Variants in CBL observed in about 807,000 individuals in gnomAD.
CBL encodes E3 ubiquitin-protein ligase CBL.
A neutral mutation model predicts 96.9 loss-of-function variants in CBL; 45 were observed. That is an observed-to-expected ratio of 0.46 (90% CI 0.37 to 0.60). The LOEUF (loss-of-function observed/expected upper bound fraction) is 0.60, where lower values mean the gene tolerates loss of function less well. Among genes scored for constraint, CBL ranks in the 20% least tolerant of loss-of-function variants. CBL has a pLI of 0.00. For missense variants in CBL, 1,024 were observed against 1,143.5 expected (o/e 0.90, Z 1.51); for synonymous variants, 420 against 426.8 (o/e 0.98, Z 0.20).
rs746612322 is a variant in CBL, at chr11:119,246,537, C to T, written c.443+13842C>T. On this transcript the variant is annotated intron_variant, in intron 2 of 15. Transcript: ENST00000264033. The stretch of plus-strand genomic sequence containing the variant: ...CACAATCTCAGCTCACCGCAACCTC[C>T]GCCTCCTGGGTTCAAGCAATTCTCC... Among the ~76,000 whole-genome samples, 53 of 152,056 alleles carry T rather than the reference C, an allele frequency of 3.5e-4. 2 individuals are homozygous for T. The highest frequency in any genetic ancestry group is 6.8e-3 in the Middle Eastern group (2 of 292).
chr11:119,279,624 G>A (rs925450996), intron 9 of CBL, among the ~76,000 whole-genome samples: 4 of 152,098 alleles, frequency 2.6e-5, no homozygotes, highest in Admixed American at 1.3e-4. Flanking sequence ...TGCACTCTAG[G>A]TTGGGTGACA....
At chr11:119,216,177 TCCACTGCCTGGGCACCTTCTCACAACCA>T (rs1358253195) in intron 1 of CBL, among the ~76,000 whole-genome samples, 1 of 152,114 alleles carries the variant, frequency 6.6e-6, no homozygotes, top group African/African-American at 2.4e-5. Context: ...TGTAACAGCC[TCCACTGCCTGGGCACCTTCTCACAACCA>T]CCACTGTTTG....
intron 6 of CBL, 152 bp from the exon 7 acceptor site, chr11:119,277,605 T>G (rs1272074888): frequency 7.6e-6 from 5 of 653,762 alleles, no homozygotes; most frequent in African/African-American, 7.4e-5. Context: ...TATTATTTTT[T>G]GGAAGTATTT....
intron 1 of CBL, among the ~76,000 whole-genome samples, chr11:119,214,572 C>G (rs1949342894): frequency 6.6e-6 from 1 of 152,186 alleles, no homozygotes; most frequent in South Asian, 2.1e-4. Context: ...TTGAATGATA[C>G]TAAGATAGTG....
chr11:119,305,640 A>G lies in CBL; in HGVS notation c.*5859A>G, dbSNP rs1950132257. 8.9e-6 allele frequency: 2 copies of G among 224,608 alleles called. No homozygotes were observed. The highest frequency in any genetic ancestry group is 8.9e-6 in the Non-Finnish European group (1 of 112,646). 13.9% of individuals were successfully genotyped at this position (224,608 alleles called of 1,614,324 possible). On this transcript the variant is annotated 3_prime_UTR_variant, in exon 16 of 16. Transcript: ENST00000264033. ...TATTGGAGCAGTTGCCAGGATAGAA[A>G]TTAAATATAGATTCCAGTTTAGGAT...
At chr11:119,254,295 G>T (rs1949694577) in intron 2 of CBL, among the ~76,000 whole-genome samples, 1 of 152,174 alleles carries the variant, frequency 6.6e-6, no homozygotes, top group African/African-American at 2.4e-5. Context: ...ACAATTTAAA[G>T]TCCATTGAAA....
At chr11:119,291,429 G>C (rs1029517255) in intron 12 of CBL, among the ~76,000 whole-genome samples, 1 of 152,210 alleles carries the variant, frequency 6.6e-6, no homozygotes, top group African/African-American at 2.4e-5. Context: ...AAATAGGCCA[G>C]GTGTAGTGCC....
chr11:119,264,687 G>C (rs1022742871), intron 2 of CBL, among the ~76,000 whole-genome samples: 1 of 151,492 alleles, frequency 6.6e-6, no homozygotes, highest in African/African-American at 2.4e-5. Context: ...TCACCATGTT[G>C]CCCAGGCTGG....
At chr11:119,272,229 C>G (rs1470396168) in intron 3 of CBL, among the ~76,000 whole-genome samples, 1 of 152,184 alleles carries the variant, frequency 6.6e-6, no homozygotes, top group Non-Finnish European at 1.5e-5. Flanking sequence ...TCATGCCATT[C>G]TCCTGCCTCA....
chr11:119,247,282 T>C (rs1467585833), intron 2 of CBL, among the ~76,000 whole-genome samples: 2 of 152,222 alleles, frequency 1.3e-5, no homozygotes, highest in African/African-American at 2.4e-5. Context: ...CAAGATAGCC[T>C]ACTTTTGCCA....
chr11:119,234,525 A>G (rs1304388746), intron 2 of CBL, among the ~76,000 whole-genome samples: 1 of 152,244 alleles, frequency 6.6e-6, no homozygotes, highest in Non-Finnish European at 1.5e-5. Context: ...CCAAAACTTA[A>G]AAATTTTGTT....
At chr11:119,292,667 G>A (rs556639253) in intron 12 of CBL, among the ~76,000 whole-genome samples, 6 of 152,190 alleles carry the variant, frequency 3.9e-5, no homozygotes, top group East Asian at 1.9e-4. Flanking sequence ...TGATCTGCCC[G>A]CCTTGGCCTC....
At position 119,301,691 on chromosome 11, in the gene CBL, T is replaced by C. The variant is rs546100640; in HGVS notation, c.*1910T>C. 4.3e-6 allele frequency: 1 copy of C among 233,252 alleles called. No homozygotes were observed. Among genetic ancestry groups the C allele is most frequent in the East Asian group, 6.0e-5 (1 of 16,586 alleles). 14.4% of individuals were successfully genotyped at this position (233,252 alleles called of 1,614,324 possible). ...GTGTTGATTTGCTGTGGTTACCCAG[T>C]GTCTTCTCTACATGGCATAAAGCGG... On this transcript the variant is annotated 3_prime_UTR_variant, in exon 16 of 16. Coordinates refer to ENST00000264033, the MANE Select transcript of CBL (RefSeq NM_005188.4).
chr11:119,233,456 A>C (rs1320544966), intron 2 of CBL, among the ~76,000 whole-genome samples: 8 of 151,930 alleles, frequency 5.3e-5, no homozygotes, highest in Admixed American at 5.2e-4. Context: ...CTGGTCTCGA[A>C]CTCCTGACTT....
chr11:119,207,128 T>C (rs187822771), intron 1 of CBL, among the ~76,000 whole-genome samples: 4 of 152,238 alleles, frequency 2.6e-5, no homozygotes, highest in Non-Finnish European at 4.4e-5. Context: ...AGCTGTGCTC[T>C]GGGTGAGAGT....
intron 12 of CBL, among the ~76,000 whole-genome samples, chr11:119,294,264 A>G (rs1296822432): frequency 6.6e-6 from 1 of 151,908 alleles, no homozygotes; most frequent in Non-Finnish European, 1.5e-5. Flanking sequence ...CCCTGTGTCT[A>G]CTAAAAACAC....
rs1191690345 is a variant in CBL, at chr11:119,305,067, G to A, written c.*5286G>A. ...GACAGGGAGCTTCTCAGAGAAGTGA[G>A]CAGAGACTCCACAGACACCCTAAAA... On this transcript the variant is annotated 3_prime_UTR_variant, in exon 16 of 16. Transcript: ENST00000264033. 2 of 218,496 alleles carry A rather than the reference G, an allele frequency of 9.2e-6. No individual in the cohort carries two copies. The highest frequency in any genetic ancestry group is 1.8e-5 in the Non-Finnish European group (2 of 108,748). The allele number at this position is 218,496 out of a possible 1,614,324, so 13.5% of individuals were successfully genotyped here. A position where few individuals can be genotyped will look rare whatever the true frequency, so the allele number is the denominator to read the frequency against.
chr11:119,295,421 C>G (rs1950056809), intron 12 of CBL, among the ~76,000 whole-genome samples: 1 of 152,008 alleles, frequency 6.6e-6, no homozygotes, highest in Non-Finnish European at 1.5e-5. Flanking sequence ...GGCCAAATAC[C>G]ACATTAAGAA....
intron 9 of CBL, 103 bp downstream of exon 9, chr11:119,278,816 T>C: frequency 1.2e-6 from 1 of 844,794 alleles, no homozygotes; most frequent in Non-Finnish European, 2.0e-6. Context: ...GTAGTATTAA[T>C]AGCTAATATT....
Sources: allele counts gnomAD v4.1 joint callset (sites outside exome capture counted in the v4.1 genomes callset), GRCh38; gene constraint gnomAD v4.1.1; transcripts MANE v1.5; gene names NCBI Gene and HGNC (gene_info 2026-07-23, HGNC 2026-07-21).